Variants in SH3BGR observed in about 807,000 individuals in gnomAD.
SH3BGR encodes SH3 domain-binding glutamic acid-rich protein.
In SH3BGR, 29 loss-of-function variants were observed where a neutral mutation model predicts 24.5. The ratio of observed to expected loss-of-function variants is 1.18; its 90% CI spans 0.88 to 1.61. The LOEUF (loss-of-function observed/expected upper bound fraction) is 1.61, where lower values mean the gene tolerates loss of function less well. Among genes scored for constraint, SH3BGR ranks in the 40% most tolerant of loss-of-function variants. The pLI is 0.00. For synonymous variants in SH3BGR, 55 were observed against 65.7 expected, an observed-to-expected ratio of 0.84 and a Z score of 0.79; for missense variants, 162 against 205.8, an observed-to-expected ratio of 0.79 and a Z score of 1.30.
At chr21:39,469,848 G>A (rs1213700157) in intron 2 of SH3BGR, among the ~76,000 whole-genome samples, 2 of 151,890 alleles carry the variant, frequency 1.3e-5, no homozygotes, top group African/African-American at 4.8e-5. Context: ...TAGAGACAGG[G>A]TGTCATCATG....
At chr21:39,499,064 G>C (rs954108118) in intron 3 of SH3BGR, among the ~76,000 whole-genome samples, 6 of 152,270 alleles carry the variant, frequency 3.9e-5, no homozygotes, top group Middle Eastern at 3.4e-3. Flanking sequence ...AAAACCATTA[G>C]ATCTCGTGAG....
chr21:39,452,841 G>C (rs933680093), intron 1 of SH3BGR, among the ~76,000 whole-genome samples: 2 of 152,172 alleles, frequency 1.3e-5, no homozygotes, highest in Non-Finnish European at 1.5e-5. Context: ...TAAGAAATAG[G>C]GGTGATGAAG....
At chr21:39,507,851 C>T (rs2078610731) in intron 4 of SH3BGR, among the ~76,000 whole-genome samples, 1 of 151,528 alleles carries the variant, frequency 6.6e-6, no homozygotes, top group Admixed American at 6.6e-5. Flanking sequence ...GAACTCCTGG[C>T]CTCAAGTGAT....
chr21:39,492,933 G>A (rs2078329140), intron 3 of SH3BGR, among the ~76,000 whole-genome samples: 1 of 152,080 alleles, frequency 6.6e-6, no homozygotes, highest in Non-Finnish European at 1.5e-5. Context: ...TTTGAGAATT[G>A]TCTATTCATG....
chr21:39,475,291 T>G (rs2098639467), intron 3 of SH3BGR, 76 bp downstream of exon 3: 1 of 850,478 alleles, frequency 1.2e-6, no homozygotes, highest in Non-Finnish European at 2.0e-6. Flanking sequence ...CATCCAAGAC[T>G]GTTTAATACA....
At chr21:39,479,476 G>A (rs2078096456) in intron 3 of SH3BGR, among the ~76,000 whole-genome samples, 1 of 151,344 alleles carries the variant, frequency 6.6e-6, no homozygotes, top group Non-Finnish European at 1.5e-5. Flanking sequence ...TGGTGTTGGT[G>A]GTGGTGATGG....
In SH3BGR at chr21:39,452,057, CAG is replaced by C. The variant is rs547171399; in HGVS notation, c.-39_-38del. 1,198 of 1,614,146 alleles carry C rather than the reference CAG, an allele frequency of 7.4e-4. 12 individuals carry two copies. The South Asian group carries it at 0.011, about 15-fold the overall frequency. On this transcript the variant is annotated 5_prime_UTR_variant, in exon 1 of 7. Coordinates refer to ENST00000333634, the MANE Select transcript of SH3BGR (RefSeq NM_007341.3). The stretch of plus-strand genomic sequence containing the variant: ...ATTTGTCTAGCGGCGCATTCCCTGA[CAG>C]GGGTGTGTTGGGGGGAGTCCTCTTT...
chr21:39,462,469 G>A lies in SH3BGR; in HGVS notation c.140G>A (p.Arg47Lys), dbSNP rs1335375866. Residue 47 changes from arginine to lysine, a missense_variant, in exon 2 of 7, where the codon AGG (arginine) becomes AAG (lysine). Physicochemically the swap from Arg to Lys is conservative, Grantham distance 26. Transcript: ENST00000333634. The stretch of plus-strand genomic sequence containing the variant: ...ATTGCTGGAGATGAAGACAACAGGA[G>A]GTGGATGAGAGAGAATGTTCCTGGA... Reference protein sequence around the residue: ...LDIAGDEDNRRWMRENVPGEK... With the variant: ...LDIAGDEDNRKWMRENVPGEK... The A allele has an allele frequency of 6.2e-7, 1 of 1,608,836 alleles. No individual in the cohort carries two copies. Among genetic ancestry groups the A allele is most frequent in the East Asian group, 2.2e-5 (1 of 44,824 alleles).
At chr21:39,476,952 C>T (rs570898999) in intron 3 of SH3BGR, among the ~76,000 whole-genome samples, 11 of 152,040 alleles carry the variant, frequency 7.2e-5, no homozygotes, top group Non-Finnish European at 1.0e-4. Context: ...GAAGGGGAGA[C>T]GGTAGTAGAA....
chr21:39,488,434 G>C (rs2078245025), intron 3 of SH3BGR: 1 of 238,188 alleles, frequency 4.2e-6, no homozygotes, highest in Non-Finnish European at 8.7e-6. Context: ...ACATGACGAG[G>C]GCCTTGGGCC....
chr21:39,478,799 C>T (rs1293974895), intron 3 of SH3BGR, among the ~76,000 whole-genome samples: 5 of 151,800 alleles, frequency 3.3e-5, no homozygotes, highest in Admixed American at 2.0e-4. Context: ...TTTTCCATTT[C>T]TCCTATCAAT....
At chr21:39,454,098 C>T (rs1364034829) in intron 1 of SH3BGR, among the ~76,000 whole-genome samples, 2 of 152,140 alleles carry the variant, frequency 1.3e-5, no homozygotes, top group Non-Finnish European at 2.9e-5. Flanking sequence ...GAGAGAATTT[C>T]TGCCTTAGCC....
At chr21:39,463,617 T>A (rs961450009) in intron 2 of SH3BGR, among the ~76,000 whole-genome samples, 3 of 152,216 alleles carry the variant, frequency 2.0e-5, no homozygotes, top group Middle Eastern at 3.2e-3. Flanking sequence ...GTTACTTTTT[T>A]AAAAAATTGT....
chr21:39,504,001 GCATTCT>G (rs981801116), intron 4 of SH3BGR, among the ~76,000 whole-genome samples: 6 of 152,220 alleles, frequency 3.9e-5, no homozygotes, highest in Non-Finnish European at 8.8e-5. Flanking sequence ...CAGCTTCTGG[GCATTCT>G]CTAAGAAATG....
intron 2 of SH3BGR, among the ~76,000 whole-genome samples, chr21:39,467,123 G>A (rs1268570904): frequency 6.6e-6 from 1 of 152,042 alleles, no homozygotes; most frequent in Non-Finnish European, 1.5e-5. Flanking sequence ...AAATTTAAGT[G>A]AGTTACAGTA....
intron 1 of SH3BGR, among the ~76,000 whole-genome samples, chr21:39,452,601 C>T (rs1487514806): frequency 6.6e-6 from 1 of 152,108 alleles, no homozygotes; most frequent in Non-Finnish European, 1.5e-5. Context: ...AATGATGTAA[C>T]CATACTGAAA....
intron 3 of SH3BGR, among the ~76,000 whole-genome samples, chr21:39,484,553 C>A (rs1389097444): frequency 6.6e-6 from 1 of 151,922 alleles, no homozygotes; most frequent in Admixed American, 6.6e-5. Flanking sequence ...TAGATCCTAC[C>A]CTGATTTGTG....
chr21:39,447,868 G>C (rs1219738532), upstream of SH3BGR, among the ~76,000 whole-genome samples: 1 of 152,128 alleles, frequency 6.6e-6, no homozygotes, highest in Admixed American at 6.5e-5. Flanking sequence ...GGTTCCTAGG[G>C]ATGTCATAAC....
At chr21:39,505,845 C>G (rs1409461264) in intron 4 of SH3BGR, among the ~76,000 whole-genome samples, 1 of 152,196 alleles carries the variant, frequency 6.6e-6, no homozygotes, top group Non-Finnish European at 1.5e-5. Context: ...TATAAGACTT[C>G]CTACTGCCCC....
Sources: allele counts gnomAD v4.1 joint callset (sites outside exome capture counted in the v4.1 genomes callset), GRCh38; gene constraint gnomAD v4.1.1; transcripts MANE v1.5; gene names NCBI Gene and HGNC (gene_info 2026-07-23, HGNC 2026-07-21).